CREBBP: variants seen among roughly 807,000 people sequenced by gnomAD.
The protein encoded by CREBBP is CREB binding lysine acetyltransferase.
A neutral mutation model predicts 265.0 loss-of-function variants in CREBBP; 19 were observed. That is an observed-to-expected ratio of 0.07 (90% CI 0.05 to 0.11). The LOEUF is 0.11. Ranked by LOEUF, CREBBP falls within the 10% of genes least tolerant of loss-of-function variation. CREBBP has a pLI of 1.00. For missense variants in CREBBP, 2,525 were observed against 3,219.0 expected (o/e 0.78, Z 5.22); for synonymous variants, 1,457 against 1,223.7 (o/e 1.19, Z -3.98).
At chr16:3,838,103 G>T (rs1171565774) in intron 2 of CREBBP, among the ~76,000 whole-genome samples, 2 of 152,060 alleles carry the variant, frequency 1.3e-5, no homozygotes, top group African/African-American at 4.8e-5. Context: ...TAAAGTGCTG[G>T]GATTGCAGGC....
chr16:3,782,504 T>C (rs1018791027), intron 6 of CREBBP, among the ~76,000 whole-genome samples, 180 bp downstream of exon 6: 1 of 152,214 alleles, frequency 6.6e-6, no homozygotes, highest in Non-Finnish European at 1.5e-5. Context: ...GCTGCTCTTT[T>C]TATAAGCATG....
chr16:3,811,111 G>A (rs1017020291), intron 2 of CREBBP, among the ~76,000 whole-genome samples: 4 of 151,958 alleles, frequency 2.6e-5, no homozygotes, highest in African/African-American at 7.3e-5. Flanking sequence ...GCTACCCAAG[G>A]GGAATTCTTT....
chr16:3,731,097 G>A lies in CREBBP; in HGVS notation c.5172+95C>T, dbSNP rs796164205. 2.3e-5 allele frequency: 30 copies of A among 1,326,636 alleles called. No individual in the cohort carries two copies. In the African/African-American group the frequency reaches 4.0e-4, roughly 18 times the overall value. 82.2% of individuals were successfully genotyped at this position (1,326,636 alleles called of 1,614,324 possible). A position where few individuals can be genotyped will look rare whatever the true frequency, so the allele number is the denominator to read the frequency against. ...GGAGGAGTCAGTGCAGCCACCATCA[G>A]GTACAGACACCAACCCGGGCACCCA... is the stretch of plus-strand genomic sequence containing the variant. On this transcript the variant is annotated intron_variant, in intron 30 of 30. Transcript: ENST00000262367. This position sits in a 1 kb window ranked among gnomAD's most constrained non-coding sequence, Gnocchi z 7.7.
At chr16:3,841,337 T>G (rs376853189) in intron 2 of CREBBP, among the ~76,000 whole-genome samples, 1 of 151,774 alleles carries the variant, frequency 6.6e-6, no homozygotes, top group Non-Finnish European at 1.5e-5. Flanking sequence ...GCAAAGTCAC[T>G]TGTGGGTAAA....
intron 19 of CREBBP, 87 bp from the exon 20 acceptor site, chr16:3,751,893 C>A: frequency 7.8e-7 from 1 of 1,282,352 alleles, no homozygotes; most frequent in African/African-American, 1.5e-5. Flanking sequence ...CAGAGCAGGG[C>A]AGAGCACCAC....
rs775802142 is a variant in CREBBP at position 3,728,420 on chromosome 16, C to T, written c.6627G>A (p.Gln2209=). ...QQQQQQQQQQ[Q]QQQQQQQGSA... ...TCCCTTGCTGCTGCTGCTGTTGCTG[C>T]TGTTGTTGCTGCTGCTGTTGCTGCT... The change falls in exon 31 of 31, where the codon CAG becomes CAA. Residue 2209 remains glutamine, a synonymous_variant. Coordinates refer to ENST00000262367, the MANE Select transcript of CREBBP (RefSeq NM_004380.3). This position sits in a 1 kb window ranked among gnomAD's most constrained non-coding sequence, Gnocchi z 8.7. 3 of 1,612,856 alleles carry T rather than the reference C, an allele frequency of 1.9e-6. No individual in the cohort carries two copies. In the African/African-American group the frequency reaches 4.0e-5, roughly 22 times the overall value.
chr16:3,805,136 C>T (rs533466755), intron 3 of CREBBP, among the ~76,000 whole-genome samples: 56 of 152,312 alleles, frequency 3.7e-4, no homozygotes, highest in African/African-American at 1.3e-3. Context: ...TACTTAGCGG[C>T]ATTTGAAGGC....
intron 11 of CREBBP, among the ~76,000 whole-genome samples, chr16:3,777,196 G>A (rs991374523): frequency 2.0e-5 from 3 of 151,250 alleles, no homozygotes; most frequent in South Asian, 2.1e-4. Context: ...TTAGCCACGC[G>A]TGGTGGTGGG....
rs765028953 is a variant in CREBBP at position 3,728,681 on chromosome 16, C to A, written c.6366G>T (p.Gln2122His). 6.2e-7 allele frequency: 1 copy of A among 1,613,772 alleles called. No individual in the cohort carries two copies. Among genetic ancestry groups the A allele is most frequent in the South Asian group, 1.1e-5 (1 of 91,076 alleles). The part of the protein sequence containing the change: ...QPGMQPQPGL[Q>H]SQPGMQPQPG... ...GCTGGGGTTGCATGCCGGGCTGGGACTGGAGGCCAGGCTGGGGCTGCATGC... is the reference window on the plus strand; with the variant it reads ...GCTGGGGTTGCATGCCGGGCTGGGAATGGAGGCCAGGCTGGGGCTGCATGC... The change falls in exon 31 of 31, where the codon CAG becomes CAT. Residue 2122 changes from glutamine (Q) to histidine (H), a missense_variant. Transcript: ENST00000262367. The surrounding 1 kb of genome is among the most constrained non-coding windows in gnomAD (Gnocchi z 8.7).
At position 3,838,857 on chromosome 16, in the gene CREBBP, C is replaced by T. The variant is rs74805219; in HGVS notation, c.798+11440G>A. Among the ~76,000 whole-genome samples, 921 of 152,284 alleles carry T rather than the reference C, an allele frequency of 6.0e-3. 7 individuals carry two copies. Among genetic ancestry groups the T allele is most frequent in the East Asian group, 0.012 (60 of 5,182 alleles). ...AGCCACCAAGCTCAACAGCTACTTTCACTACCAAAAAATGTTTTCGGAAAA... is the reference window on the plus strand; with the variant it reads ...AGCCACCAAGCTCAACAGCTACTTTTACTACCAAAAAATGTTTTCGGAAAA... On this transcript the variant is annotated intron_variant, in intron 2 of 30. Transcript: ENST00000262367.
rs1416497333 is a variant in CREBBP, at chr16:3,879,983, C to A, written c.-67G>T. ...GGCCGGCGAGGGCCCGGACGGGGGT[C>A]GGGGGCCCTGCCGGCTGCGAGGGAG... On this transcript the variant is annotated 5_prime_UTR_variant, in exon 1 of 31. Transcript: ENST00000262367. 5.4e-6 allele frequency: 8 copies of A among 1,485,462 alleles called. No individual in the cohort carries two copies. Among genetic ancestry groups the A allele is most frequent in the Middle Eastern group, 3.8e-4 (2 of 5,230 alleles). 92.0% of individuals were successfully genotyped at this position (1,485,462 alleles called of 1,614,324 possible).
intron 6 of CREBBP, among the ~76,000 whole-genome samples, chr16:3,782,227 G>C (rs2053288080): frequency 6.6e-6 from 1 of 152,232 alleles, no homozygotes; most frequent in South Asian, 2.1e-4. Context: ...CCTGAGCCAA[G>C]AGTTTCCAGG....
At position 3,728,281 on chromosome 16, in the gene CREBBP, G is replaced by C. The variant is rs752887380; in HGVS notation, c.6766C>G (p.Leu2256Val). Residue 2256 changes from leucine to valine, a missense_variant, in exon 31 of 31, where the codon CTC becomes GTC. This residue lies in a region of CREBBP where 473 missense variants were observed against 459.3 expected (regional missense o/e 1.03). Coordinates refer to ENST00000262367, the MANE Select transcript of CREBBP (RefSeq NM_004380.3). This position sits in a 1 kb window ranked among gnomAD's most constrained non-coding sequence, Gnocchi z 8.7. ...ATCTGGCCCATGGAGCTGCCCTGGA[G>C]GGGGAGATGCTGCTGCATGCGCTGC... ...QQQRMQQHLP[L>V]QGSSMGQMAA... 5.0e-6 allele frequency: 8 copies of C among 1,612,054 alleles called. No homozygotes were observed. Among genetic ancestry groups the C allele is most frequent in the Admixed American group, 1.7e-5 (1 of 59,972 alleles).
At chr16:3,829,508 G>A (rs1207550076) in intron 2 of CREBBP, among the ~76,000 whole-genome samples, 1 of 152,202 alleles carries the variant, frequency 6.6e-6, no homozygotes, top group Non-Finnish European at 1.5e-5. Flanking sequence ...ACAGATTCCA[G>A]AGGTGGCACA....
chr16:3,815,587 A>G (rs1029929209), intron 2 of CREBBP, among the ~76,000 whole-genome samples: 1 of 150,422 alleles, frequency 6.6e-6, no homozygotes, highest in African/African-American at 2.4e-5. Context: ...TTTATTTTCA[A>G]TGGAGGTTCA....
chr16:3,849,525 CTTTTTTTTTTTTT>C (rs140938515), intron 2 of CREBBP, among the ~76,000 whole-genome samples: 1 of 6,558 alleles, frequency 1.5e-4, no homozygotes, highest in South Asian at 0.017. Flanking sequence ...GAGGCTGCTG[CTTTTTTTTTTTTT>C]TTTTTTTTTT....
intron 1 of CREBBP, among the ~76,000 whole-genome samples, chr16:3,855,360 C>T (rs1375778552): frequency 3.3e-5 from 5 of 152,182 alleles, no homozygotes; most frequent in East Asian, 1.9e-4. Context: ...CTTTGCCTCC[C>T]GGGTTCAAGC....
chr16:3,840,986 T>C (rs2054555357), intron 2 of CREBBP: 1 of 156,676 alleles, frequency 6.4e-6, no homozygotes, highest in Admixed American at 6.5e-5. Flanking sequence ...GAATAGGGAA[T>C]TACAACACTG....
At position 3,728,363 on chromosome 16, in the gene CREBBP, G is replaced by A. The variant is rs138613594; in HGVS notation, c.6684C>T (p.His2228=). 445 of 1,608,030 alleles carry A rather than the reference G, an allele frequency of 2.8e-4. 2 individuals carry two copies. The South Asian group carries it at 4.3e-3, about 15-fold the overall frequency. Residue 2228 remains histidine, a synonymous_variant, in exon 31 of 31, where the codon CAC becomes CAT. Transcript: ENST00000262367. The surrounding 1 kb of genome is among the most constrained non-coding windows in gnomAD (Gnocchi z 8.7). The part of the protein sequence containing the change: ...SAGMAGGMAG[H]GQFQQPQGPG... ...GTCCTTGAGGCTGCTGGAACTGGCC[G>A]TGCCCCGCCATGCCCCCAGCCATGC... is the stretch of plus-strand genomic sequence containing the variant.
Sources: gnomAD v4.1 joint callset for allele counts (sites outside exome capture counted in the v4.1 genomes callset) on GRCh38, gnomAD v4.1.1 for gene constraint, gnomAD v4.1.1 regional missense constraint, Gnocchi (gnomAD v3.1) non-coding constraint, MANE v1.5 for transcripts, NCBI Gene and HGNC (gene_info 2026-07-23, HGNC 2026-07-21) for gene names.